The following CABP5 variants were observed in gnomAD, a reference collection of about 807,000 sequenced individuals.
CABP5 encodes the protein calcium-binding protein 5.
A neutral mutation model predicts 21.9 loss-of-function variants in CABP5; 17 were observed. The observed-to-expected ratio is 0.78, with a 90% CI of 0.53 to 1.17. CABP5 has a LOEUF of 1.17. CABP5 is among the 50% of genes most tolerant of loss of function. The pLI, the probability that CABP5 is intolerant of heterozygous loss-of-function variation, is 0.00. For synonymous variants in CABP5, 85 were observed against 79.4 expected, an observed-to-expected ratio of 1.07 and a Z score of -0.37; for missense variants, 229 against 228.9, an observed-to-expected ratio of 1.00 and a Z score of 0.00.
chr19:48,034,355 G>A lies in CABP5; in HGVS notation c.356C>T (p.Thr119Met), dbSNP rs773517909. The change falls in exon 5 of 6, where the codon ACG (threonine) becomes ATG (methionine). Residue 119 changes from threonine (T) to methionine (M), a missense_variant. Coordinates refer to ENST00000293255, the MANE Select transcript of CABP5 (RefSeq NM_019855.5). ...CAGGGTGATCTCCCCATCTCCATTC[G>A]TGTCAAACTGAATAGAAGCAGAAAT... ...EMRDAFKEFD[T>M]NGDGEITLVE... is the part of the protein sequence containing the mutation. The A allele has an allele frequency of 8.0e-5, 124 of 1,554,888 alleles. No individual in the cohort carries two copies. The highest frequency in any genetic ancestry group is 8.9e-5 in the Non-Finnish European group (102 of 1,152,016).
chr19:48,037,714 G>C (rs750925003), intron 4 of CABP5, among the ~76,000 whole-genome samples: 1 of 152,080 alleles, frequency 6.6e-6, no homozygotes, highest in Non-Finnish European at 1.5e-5. Flanking sequence ...ATTTAGCTAT[G>C]TAAGTAGCAT....
At chr19:48,043,479 T>C (rs1436021670) in intron 1 of CABP5, among the ~76,000 whole-genome samples, 3 of 20,300 alleles carry the variant, frequency 1.5e-4, no homozygotes, top group Non-Finnish European at 3.1e-4. Flanking sequence ...CACAGAACAA[T>C]GACTTAATAA....
Position 48,034,342 on chromosome 19 carries a change from C to G in CABP5, c.369G>C (p.Gly123=). Residue 123 remains glycine, a synonymous_variant, in exon 5 of 6, where the codon GGG becomes GGC. Coordinates refer to ENST00000293255, the MANE Select transcript of CABP5 (RefSeq NM_019855.5). ...GCTGTAGCTCCACCAGGGTGATCTCCCCATCTCCATTCGTGTCAAACTGAA... is the reference window on the plus strand; with the variant it reads ...GCTGTAGCTCCACCAGGGTGATCTCGCCATCTCCATTCGTGTCAAACTGAA... ...AFKEFDTNGD[G]EITLVELQQA... is the part of the protein sequence containing the mutation. 6.3e-7 allele frequency: 1 copy of G among 1,578,332 alleles called. No homozygotes were observed. Among genetic ancestry groups the G allele is most frequent in the Non-Finnish European group, 8.6e-7 (1 of 1,163,860 alleles).
rs1967471718 is a variant in CABP5, at chr19:48,040,822, A to G, written c.95-74T>C. ...AAGAGTGGCATCTCTTGAAGCTATC[A>G]ATGAGGCTCCAACTAGAGACTCCTT... On this transcript the variant is annotated intron_variant, in intron 2 of 5. Transcript: ENST00000293255. 6.1e-6 allele frequency: 9 copies of G among 1,474,784 alleles called. No individual in the cohort carries two copies. In the East Asian group the frequency reaches 1.8e-4, roughly 30 times the overall value. The allele number at this position is 1,474,784 out of a possible 1,614,324, so 91.4% of individuals were successfully genotyped here. A position where few individuals can be genotyped will look rare whatever the true frequency, so the allele number is the denominator to read the frequency against.
At chr19:48,033,512 C>G (rs1967368579) in intron 5 of CABP5, among the ~76,000 whole-genome samples, 1 of 152,100 alleles carries the variant, frequency 6.6e-6, no homozygotes, top group Non-Finnish European at 1.5e-5. Context: ...CGTATTACTG[C>G]AGAAGCAAGC....
chr19:48,039,303 C>T lies in CABP5; in HGVS notation c.253G>A (p.Asp85Asn). ...ATCAGCTCCACAAAGTCATCAAAGTCTACACGGCCACCCACTGAGGAAGAT... is the reference window on the plus strand; with the variant it reads ...ATCAGCTCCACAAAGTCATCAAAGTTTACACGGCCACCCACTGAGGAAGAT... Reference protein sequence around the residue: ...QIRMNLGGRVDFDDFVELMTP... With the variant: ...QIRMNLGGRVNFDDFVELMTP... The change falls in exon 4 of 6, where the codon GAC (aspartate) becomes AAC (asparagine). Residue 85 changes from aspartate to asparagine, a missense_variant. Transcript: ENST00000293255. 1 of 1,614,088 alleles carries T rather than the reference C, an allele frequency of 6.2e-7. No homozygotes were observed. Among genetic ancestry groups the T allele is most frequent in the East Asian group, 2.2e-5 (1 of 44,888 alleles).
rs138142491 is a variant in CABP5 at position 48,040,667 on chromosome 19, G to A, written c.176C>T (p.Thr59Met). ...SCKDLGNLMR[T>M]MGYMPTEMEL... The stretch of plus-strand genomic sequence containing the variant: ...CATCTCCGTGGGCATGTAACCCATC[G>A]TCCTCATGAGATTCCCCAGATCCTT... Residue 59 changes from threonine to methionine, a missense_variant, in exon 3 of 6, where the codon ACG becomes ATG. Transcript: ENST00000293255. 25 of 1,613,708 alleles carry A rather than the reference G, an allele frequency of 1.5e-5. No homozygotes were observed. The highest frequency in any genetic ancestry group is 5.3e-5 in the African/African-American group (4 of 74,844).
intron 4 of CABP5, among the ~76,000 whole-genome samples, 187 bp from the exon 5 acceptor site, chr19:48,034,549 T>C (rs1033143739): frequency 6.7e-6 from 1 of 148,934 alleles, no homozygotes; most frequent in Non-Finnish European, 1.5e-5. Flanking sequence ...TCTTTCTTTT[T>C]TTTTTTTTTT....
chr19:48,042,733 C>T (rs537391633), intron 1 of CABP5, among the ~76,000 whole-genome samples: 11 of 152,012 alleles, frequency 7.2e-5, no homozygotes, highest in Admixed American at 1.3e-4. Flanking sequence ...TGCCACTGCA[C>T]CCGGCTAATT....
At chr19:48,037,974 G>T (rs769494973) in intron 4 of CABP5, among the ~76,000 whole-genome samples, 12 of 152,140 alleles carry the variant, frequency 7.9e-5, no homozygotes, top group Non-Finnish European at 1.6e-4. Flanking sequence ...GAATGCAATG[G>T]TGCGATCTCA....
At chr19:48,042,406 A>T (rs1967492324) in intron 1 of CABP5, among the ~76,000 whole-genome samples, 1 of 152,216 alleles carries the variant, frequency 6.6e-6, no homozygotes, top group South Asian at 2.1e-4. Flanking sequence ...ACTCCTGCAC[A>T]TACCTGAAGG....
chr19:48,041,087 A>T (rs112270137), intron 2 of CABP5, among the ~76,000 whole-genome samples: 1 of 151,982 alleles, frequency 6.6e-6, no homozygotes, highest in Non-Finnish European at 1.5e-5. Context: ...TGCCTCAGCC[A>T]AGGCAGAAGA....
chr19:48,035,201 ACAT>A (rs1967393451), intron 4 of CABP5, among the ~76,000 whole-genome samples: 1 of 152,090 alleles, frequency 6.6e-6, no homozygotes. Flanking sequence ...TCTGCATGTA[ACAT>A]CATGTGGTAT....
In CABP5 at chr19:48,034,127, G is replaced by C. The variant is rs1967376113; in HGVS notation, c.496+88C>G. 2.2e-6 allele frequency: 3 copies of C among 1,349,104 alleles called. No individual in the cohort carries two copies. In the South Asian group the frequency reaches 4.9e-5, roughly 22 times the overall value. 83.6% of individuals were successfully genotyped at this position (1,349,104 alleles called of 1,614,324 possible). Reference sequence around the variant, plus strand: ...CAAACTTGGAGAGGAGTGAGAAGGAGTGGCCAACTTGGAAAATCTGACAGT... The same window carrying C: ...CAAACTTGGAGAGGAGTGAGAAGGACTGGCCAACTTGGAAAATCTGACAGT... On this transcript the variant is annotated intron_variant, in intron 5 of 5. Transcript: ENST00000293255.
intron 1 of CABP5, among the ~76,000 whole-genome samples, chr19:48,042,719 C>T (rs1409286775): frequency 6.6e-6 from 1 of 151,220 alleles, no homozygotes; most frequent in Non-Finnish European, 1.5e-5. Context: ...GGATTACAGG[C>T]GCCTGCCACT....
intron 4 of CABP5, among the ~76,000 whole-genome samples, chr19:48,036,992 G>T (rs1339023019): frequency 6.6e-6 from 1 of 152,186 alleles, no homozygotes; most frequent in Admixed American, 6.6e-5. Flanking sequence ...CACTTTTGCT[G>T]GGTATGGAAA....
In CABP5 at chr19:48,030,378, C is replaced by A. The variant is rs1967324083; in HGVS notation, c.*179G>T. ...AATCTAGTTCTGCAGACGCCCCCAT[C>A]CTGGCAAAGATACCGCTCTGGGTCT... On this transcript the variant is annotated 3_prime_UTR_variant, in exon 6 of 6. Transcript: ENST00000293255. 8.8e-6 allele frequency: 5 copies of A among 565,392 alleles called. No individual in the cohort carries two copies. Among genetic ancestry groups the A allele is most frequent in the Non-Finnish European group, 1.6e-5 (5 of 319,840 alleles). 35.0% of individuals were successfully genotyped at this position (565,392 alleles called of 1,614,324 possible).
intron 4 of CABP5, among the ~76,000 whole-genome samples, chr19:48,036,474 C>G (rs927568233): frequency 1.3e-5 from 2 of 152,130 alleles, no homozygotes; most frequent in Admixed American, 6.6e-5. Flanking sequence ...TAACCACACT[C>G]ATAGAAGCAG....
intron 4 of CABP5, among the ~76,000 whole-genome samples, chr19:48,034,815 A>G (rs11670408): frequency 0.3 from 45,872 of 151,632 alleles, 7,838 homozygotes; most frequent in Non-Finnish European, 0.39. Flanking sequence ...TAAAGTGCTG[A>G]GATTACAGGC....
Sources: allele counts gnomAD v4.1 joint callset (sites outside exome capture counted in the v4.1 genomes callset), GRCh38; gene constraint gnomAD v4.1.1; transcripts MANE v1.5; gene names NCBI Gene and HGNC (gene_info 2026-07-23, HGNC 2026-07-21).